SMAP1: variants seen among roughly 807,000 people sequenced by gnomAD.
SMAP1 encodes small ArfGAP 1.
Under a neutral mutation model 58.5 loss-of-function variants are expected in SMAP1, and 24 were observed. The ratio of observed to expected loss-of-function variants is 0.41; its 90% CI spans 0.30 to 0.58. The LOEUF (loss-of-function observed/expected upper bound fraction) is 0.58, where lower values mean the gene tolerates loss of function less well. SMAP1 is among the 20% of genes least tolerant of loss of function. SMAP1 has a pLI of 0.29. For missense variants in SMAP1, 563 were observed against 566.3 expected, an observed-to-expected ratio of 0.99 and a Z score of 0.06; for synonymous variants, 216 against 196.6, an observed-to-expected ratio of 1.10 and a Z score of -0.82.
intron 2 of SMAP1, among the ~76,000 whole-genome samples, chr6:70,742,505 A>G (rs1356972511): frequency 1.3e-5 from 2 of 152,146 alleles, no homozygotes; most frequent in African/African-American, 4.8e-5. Flanking sequence ...TTCATCATCC[A>G]TATCATTATC....
rs1302249338 is a variant in SMAP1 at position 70,685,926 on chromosome 6, C to T, written c.118+17785C>T. Among the ~76,000 whole-genome samples the T allele has an allele frequency of 7.2e-5, 11 of 151,912 alleles. No individual in the cohort carries two copies. In the East Asian group the frequency reaches 2.1e-3, roughly 29 times the overall value. On this transcript the variant is annotated intron_variant, in intron 1 of 10. Coordinates refer to ENST00000370455, the MANE Select transcript of SMAP1 (RefSeq NM_001044305.3). ...TTATTATTTTATTTTATTTTTTTAA[C>T]ACAGAACCTCACTCTGTCACCCAGG...
chr6:70,828,048 C>T (rs1415050883), intron 6 of SMAP1, among the ~76,000 whole-genome samples: 1 of 152,040 alleles, frequency 6.6e-6, no homozygotes, highest in East Asian at 1.9e-4. Context: ...AATTTTTTCT[C>T]ACATAAAATA....
At chr6:70,733,214 A>G (rs1192802700) in intron 2 of SMAP1, among the ~76,000 whole-genome samples, 1 of 152,204 alleles carries the variant, frequency 6.6e-6, no homozygotes, top group Non-Finnish European at 1.5e-5. Flanking sequence ...CTAAATACAT[A>G]AATATATGTG....
chr6:70,715,273 T>C (rs1445393863), intron 1 of SMAP1, among the ~76,000 whole-genome samples: 1 of 152,010 alleles, frequency 6.6e-6, no homozygotes, highest in Non-Finnish European at 1.5e-5. Context: ...ATTTTGTATT[T>C]TGTGTGGAGA....
intron 4 of SMAP1, among the ~76,000 whole-genome samples, chr6:70,785,694 A>T (rs987418349): frequency 1.2e-3 from 183 of 152,336 alleles, no homozygotes; most frequent in Non-Finnish European, 2.1e-3. Flanking sequence ...ATAAACTAGA[A>T]AATCTAGAAG....
At chr6:70,857,501 C>T (rs965129772) in intron 9 of SMAP1, 1 of 172,258 alleles carries the variant, frequency 5.8e-6, no homozygotes, top group African/African-American at 2.4e-5. Context: ...TAATGAGCTG[C>T]ATTTCACATG....
rs181958442 is a variant in SMAP1 at position 70,718,182 on chromosome 6, C to A, written c.119-14196C>A. 1.1e-4 allele frequency among the ~76,000 whole-genome samples: 17 copies of A among 151,938 alleles called. No homozygotes were observed. In the East Asian group the frequency reaches 3.3e-3, roughly 29 times the overall value. On this transcript the variant is annotated intron_variant, in intron 1 of 10. Coordinates refer to ENST00000370455, the MANE Select transcript of SMAP1 (RefSeq NM_001044305.3). ...GTATGCATATTAAATTAAATTTTATCTAATGGGTTAATGAATCTGAGAAGC... is the reference window on the plus strand; with the variant it reads ...GTATGCATATTAAATTAAATTTTATATAATGGGTTAATGAATCTGAGAAGC...
intron 3 of SMAP1, among the ~76,000 whole-genome samples, chr6:70,765,798 G>A (rs1303508339): frequency 6.6e-6 from 1 of 151,864 alleles, no homozygotes; most frequent in African/African-American, 2.4e-5. Context: ...ACAACGTGCA[G>A]GTTTGTTACA....
At chr6:70,720,456 G>T (rs918258069) in intron 1 of SMAP1, among the ~76,000 whole-genome samples, 2 of 152,142 alleles carry the variant, frequency 1.3e-5, no homozygotes, top group Non-Finnish European at 2.9e-5. Flanking sequence ...ACCATTCTGG[G>T]ATCTGGAGGA....
At chr6:70,670,186 G>A (rs780314733) in intron 1 of SMAP1, among the ~76,000 whole-genome samples, 5 of 152,198 alleles carry the variant, frequency 3.3e-5, no homozygotes, top group Non-Finnish European at 7.3e-5. Context: ...GGAAGTGGGA[G>A]AGAAGAGAAT....
At chr6:70,825,485 A>G (rs1221843980) in intron 6 of SMAP1, among the ~76,000 whole-genome samples, 1 of 152,144 alleles carries the variant, frequency 6.6e-6, no homozygotes, top group African/African-American at 2.4e-5. Context: ...AACAATAGTG[A>G]GATGAGTGTT....
chr6:70,707,644 C>T (rs566437673), intron 1 of SMAP1, among the ~76,000 whole-genome samples: 12 of 152,142 alleles, frequency 7.9e-5, no homozygotes, highest in African/African-American at 2.9e-4. Context: ...CTCACTCTGT[C>T]ACCCAAGCTG....
At chr6:70,808,136 G>A (rs1252564673) in intron 6 of SMAP1, among the ~76,000 whole-genome samples, 1 of 152,134 alleles carries the variant, frequency 6.6e-6, no homozygotes, top group African/African-American at 2.4e-5. Flanking sequence ...AAGAGGAGGT[G>A]CTGGTCTTCC....
chr6:70,692,766 C>T (rs1448966435), intron 1 of SMAP1, among the ~76,000 whole-genome samples: 1 of 151,986 alleles, frequency 6.6e-6, no homozygotes, highest in African/African-American at 2.4e-5. Flanking sequence ...TATTCGATTC[C>T]ATTTGTCTAT....
intron 7 of SMAP1, among the ~76,000 whole-genome samples, chr6:70,844,113 G>A (rs1770901267): frequency 6.6e-6 from 1 of 152,084 alleles, no homozygotes; most frequent in Non-Finnish European, 1.5e-5. Context: ...GAAATTGGGT[G>A]GCCTCAGGAA....
At chr6:70,840,368 G>T (rs568884290) in intron 7 of SMAP1, among the ~76,000 whole-genome samples, 1 of 152,128 alleles carries the variant, frequency 6.6e-6, no homozygotes, top group South Asian at 2.1e-4. Context: ...CACCTTTCCT[G>T]ATCTACTACC....
chr6:70,707,565 C>T (rs1436279169), intron 1 of SMAP1, among the ~76,000 whole-genome samples: 1 of 152,064 alleles, frequency 6.6e-6, no homozygotes, highest in Non-Finnish European at 1.5e-5. Flanking sequence ...ACATCTGAAA[C>T]CTAATATTGT....
At chr6:70,837,671 T>C in intron 7 of SMAP1, 23 of 577,138 alleles carry the variant, frequency 4.0e-5, no homozygotes, top group Non-Finnish European at 4.4e-5. Context: ...TCTCTCTCTT[T>C]TTTTTTTTTT....
rs1765689157 is a variant in SMAP1, at chr6:70,738,295, C to A, written c.252+5784C>A. On this transcript the variant is annotated intron_variant, in intron 2 of 10. Coordinates refer to ENST00000370455, the MANE Select transcript of SMAP1 (RefSeq NM_001044305.3). ...GTTAGTGATGGTGATTCAGCTTTTA[C>A]CAAAAGTGAAATTCAACCTCAGAGG... 2.0e-5 allele frequency among the ~76,000 whole-genome samples: 3 copies of A among 151,980 alleles called. No homozygotes were observed. The South Asian group carries it at 6.2e-4, about 32-fold the overall frequency.
Sources: gnomAD v4.1 joint callset for allele counts (sites outside exome capture counted in the v4.1 genomes callset) on GRCh38, gnomAD v4.1.1 for gene constraint, MANE v1.5 for transcripts, NCBI Gene and HGNC (gene_info 2026-07-23, HGNC 2026-07-21) for gene names.